TRIM24: variants seen among roughly 807,000 people sequenced by gnomAD.
TRIM24 encodes transcription intermediary factor 1-alpha.
TRIM24 carries 29 observed loss-of-function variants against 123.9 expected under a neutral mutation model. That is an observed-to-expected ratio of 0.23 (90% CI 0.17 to 0.32). The LOEUF is 0.32. Among genes scored for constraint, TRIM24 ranks in the 10% least tolerant of loss-of-function variants. The pLI is 1.00. For synonymous variants in TRIM24, 456 were observed against 461.1 expected (o/e 0.99, Z 0.14); for missense variants, 932 against 1,295.3 (o/e 0.72, Z 4.31).
Position 138,571,018 on chromosome 7 carries a change from A to C in TRIM24, c.1878+15A>C, listed in dbSNP as rs760219515. Reference sequence around the variant, plus strand: ...CTCTTCCGGATGTAAGTAGACACAAAATTTATACTAGCCTCTGTTGAAAAC... The same window carrying C: ...CTCTTCCGGATGTAAGTAGACACAACATTTATACTAGCCTCTGTTGAAAAC... On this transcript the variant is annotated intron_variant, in intron 11 of 18. Coordinates refer to ENST00000343526, the MANE Select transcript of TRIM24 (RefSeq NM_015905.3). 6.2e-7 allele frequency: 1 copy of C among 1,613,060 alleles called. No individual in the cohort carries two copies. The highest frequency in any genetic ancestry group is 8.5e-7 in the Non-Finnish European group (1 of 1,179,410).
At chr7:138,581,638 A>C in intron 16 of TRIM24, 59 bp from the exon 17 acceptor site, 1 of 1,402,850 alleles carries the variant, frequency 7.1e-7, no homozygotes, top group South Asian at 1.2e-5. Context: ...TATTTAAAAT[A>C]AGCTGTGAAT....
At chr7:138,471,905 T>G (rs1795280700) in intron 1 of TRIM24, among the ~76,000 whole-genome samples, 1 of 152,132 alleles carries the variant, frequency 6.6e-6, no homozygotes, top group Non-Finnish European at 1.5e-5. Flanking sequence ...TACCAGAAGA[T>G]CTTTATTTTA....
At chr7:138,569,095 C>T (rs1563063807) in intron 10 of TRIM24, among the ~76,000 whole-genome samples, 1 of 152,058 alleles carries the variant, frequency 6.6e-6, no homozygotes, top group African/African-American at 2.4e-5. Context: ...ACTTATTTTC[C>T]TAATAATTTT....
intron 9 of TRIM24, among the ~76,000 whole-genome samples, chr7:138,557,857 A>G (rs1797346656): frequency 6.6e-6 from 1 of 152,206 alleles, no homozygotes; most frequent in Admixed American, 6.5e-5. Context: ...CTATAACGTT[A>G]TGATGCAGTT....
chr7:138,564,644 T>G (rs187934257), intron 9 of TRIM24, among the ~76,000 whole-genome samples: 77 of 152,296 alleles, frequency 5.1e-4, no homozygotes, highest in African/African-American at 1.8e-3. Context: ...TGAGTCAATA[T>G]AAGGGAATTG....
At chr7:138,573,744 C>A in intron 12 of TRIM24, 102 bp downstream of exon 12, 3 of 1,275,652 alleles carry the variant, frequency 2.4e-6, no homozygotes, top group South Asian at 1.5e-5. Context: ...AATGCTTAAT[C>A]TGAGTTTTTC....
chr7:138,505,699 A>C (rs1796139071), intron 2 of TRIM24, among the ~76,000 whole-genome samples: 1 of 152,074 alleles, frequency 6.6e-6, no homozygotes, highest in Admixed American at 6.6e-5. Flanking sequence ...ACCATGCCCA[A>C]CTAACTAAAG....
chr7:138,583,834 C>G lies in TRIM24; in HGVS notation c.2794-16C>G. The G allele has an allele frequency of 1.3e-6, 2 of 1,508,740 alleles. No individual in the cohort carries two copies. The highest frequency in any genetic ancestry group is 1.8e-6 in the Non-Finnish European group (2 of 1,109,368). The allele number at this position is 1,508,740 out of a possible 1,614,324, so 93.5% of individuals were successfully genotyped here. ...AATTTAGCTATTTGTATTATAACAT[C>G]TCATTTTTTTAATAGGTGCCTGATT... On this transcript the variant is annotated splice_polypyrimidine_tract_variant and intron_variant, in intron 17 of 18. Transcript: ENST00000343526.
chr7:138,504,203 A>G, intron 1 of TRIM24, 87 bp from the exon 2 acceptor site: 1 of 806,428 alleles, frequency 1.2e-6, no homozygotes, highest in Non-Finnish European at 1.8e-6. Flanking sequence ...GGACATTGAA[A>G]AAGAACAAAG....
At chr7:138,545,072 G>T (rs1198227616) in intron 7 of TRIM24, among the ~76,000 whole-genome samples, 2 of 152,156 alleles carry the variant, frequency 1.3e-5, no homozygotes, top group Non-Finnish European at 1.5e-5. Flanking sequence ...TATGTGTGTT[G>T]AGTATATGAA....
rs76195651 is a variant in TRIM24 at position 138,483,131 on chromosome 7, G to A, written c.365-21159G>A. ...GGGGGGGTCTCACTTTGTTGCCCAG[G>A]CTGGTGTCAAATCCCTACACTCCTC... is the stretch of plus-strand genomic sequence containing the variant. On this transcript the variant is annotated intron_variant, in intron 1 of 18. Coordinates refer to ENST00000343526, the MANE Select transcript of TRIM24 (RefSeq NM_015905.3). Among the ~76,000 whole-genome samples, 465 of 152,012 alleles carry A rather than the reference G, an allele frequency of 3.1e-3. 2 individuals carry two copies. The highest frequency in any genetic ancestry group is 6.8e-3 in the Middle Eastern group (2 of 294).
At chr7:138,529,072 A>G (rs1473093396) in intron 5 of TRIM24, 44 bp from the exon 6 acceptor site, 3 of 1,224,062 alleles carry the variant, frequency 2.5e-6, no homozygotes, top group Non-Finnish European at 3.4e-6. Context: ...TTTAAATATT[A>G]TACAAAAAAA....
rs761518363 is a variant in TRIM24 at position 138,554,756 on chromosome 7, C to G, written c.1320C>G (p.Val440=). ...CACAAATGCCTAAGCAGAATCCTGT[C>G]GTGGAACAGAATTCACAGCCACCAA... ...SQPQMPKQNP[V]VEQNSQPPSG... Residue 440 remains valine (V), a synonymous_variant, in exon 9 of 19, where the codon GTC becomes GTG. Coordinates refer to ENST00000343526, the MANE Select transcript of TRIM24 (RefSeq NM_015905.3). The surrounding 1 kb of genome is among the most constrained non-coding windows in gnomAD (Gnocchi z 4.5). The G allele has an allele frequency of 2.5e-6, 4 of 1,614,132 alleles. No individual in the cohort carries two copies. The highest frequency in any genetic ancestry group is 1.7e-5 in the Admixed American group (1 of 60,024).
At chr7:138,518,909 A>G (rs1281806783) in intron 3 of TRIM24, among the ~76,000 whole-genome samples, 2 of 152,224 alleles carry the variant, frequency 1.3e-5, no homozygotes, top group African/African-American at 4.8e-5. Context: ...TTTTAATGCA[A>G]TAAAACATAT....
At chr7:138,507,931 C>T (rs1051131940) in intron 2 of TRIM24, among the ~76,000 whole-genome samples, 1 of 149,356 alleles carries the variant, frequency 6.7e-6, no homozygotes, top group Non-Finnish European at 1.5e-5. Context: ...GAGACCCTAT[C>T]TCAAAAAAAA....
At chr7:138,574,682 G>A (rs1297140752) in intron 12 of TRIM24, among the ~76,000 whole-genome samples, 1 of 152,056 alleles carries the variant, frequency 6.6e-6, no homozygotes, top group African/African-American at 2.4e-5. Context: ...TGTGATGAGA[G>A]GTACTCTCAT....
chr7:138,553,931 A>G (rs905257800), intron 8 of TRIM24, among the ~76,000 whole-genome samples: 3 of 152,280 alleles, frequency 2.0e-5, no homozygotes, highest in Middle Eastern at 3.4e-3. Flanking sequence ...GGGAACTTAC[A>G]TACAGGACAG....
chr7:138,538,860 C>G (rs916398621), intron 7 of TRIM24, 57 bp downstream of exon 7: 1 of 1,452,306 alleles, frequency 6.9e-7, no homozygotes, highest in Non-Finnish European at 9.4e-7. Context: ...AACAATGGAG[C>G]CATTGTAATG....
At chr7:138,560,592 G>A (rs762029228) in intron 9 of TRIM24, among the ~76,000 whole-genome samples, 10 of 152,128 alleles carry the variant, frequency 6.6e-5, no homozygotes, top group South Asian at 2.1e-4. Flanking sequence ...CAAACGGCTC[G>A]GGTGATGGCA....
Sources: gnomAD v4.1 joint callset for allele counts (sites outside exome capture counted in the v4.1 genomes callset) on GRCh38, gnomAD v4.1.1 for gene constraint, Gnocchi (gnomAD v3.1) non-coding constraint, MANE v1.5 for transcripts, NCBI Gene and HGNC (gene_info 2026-07-23, HGNC 2026-07-21) for gene names.